The following USH2A variants were observed in gnomAD, a reference collection of about 807,000 sequenced individuals.
USH2A encodes the protein Usher syndrome 2A (autosomal recessive, mild).
In USH2A, 443 loss-of-function variants were observed where a neutral mutation model predicts 538.9. That is an observed-to-expected ratio of 0.82 (90% confidence interval 0.76 to 0.89). The LOEUF is 0.89. USH2A is among the 40% of genes least tolerant of loss of function. The probability of loss-of-function intolerance (pLI) is 0.00; values close to 1 mark genes in which losing one functional copy is unlikely to be tolerated. For missense variants in USH2A, 6,633 were observed against 6,324.8 expected, an observed-to-expected ratio of 1.05 and a Z score of -1.65; for synonymous variants, 2,413 against 2,273.5, an observed-to-expected ratio of 1.06 and a Z score of -1.75.
At chr1:215,980,986 A>G (rs570767120) in intron 35 of USH2A, among the ~76,000 whole-genome samples, 1 of 152,286 alleles carries the variant, frequency 6.6e-6, no homozygotes, top group South Asian at 2.1e-4. Context: ...TTGTTGATAT[A>G]TGTTCAATTT....
At chr1:216,072,159 T>G (rs2031577884) in intron 29 of USH2A, among the ~76,000 whole-genome samples, 1 of 152,188 alleles carries the variant, frequency 6.6e-6, no homozygotes, top group Admixed American at 6.5e-5. Context: ...GGAGATGTGT[T>G]CAGTTTCCTG....
intron 51 of USH2A, among the ~76,000 whole-genome samples, chr1:215,787,695 T>G (rs1661841184): frequency 6.6e-6 from 1 of 152,168 alleles, no homozygotes; most frequent in South Asian, 2.1e-4. Flanking sequence ...GCCTCTCTCT[T>G]ACATAAAATA....
At chr1:216,234,042 C>T (rs955660694) in intron 13 of USH2A, among the ~76,000 whole-genome samples, 1 of 152,038 alleles carries the variant, frequency 6.6e-6, no homozygotes, top group African/African-American at 2.4e-5. Context: ...TGTCATGACA[C>T]TAATTTAAAG....
intron 60 of USH2A, among the ~76,000 whole-genome samples, chr1:215,729,934 T>C (rs1224910720): frequency 6.6e-6 from 1 of 152,150 alleles, no homozygotes; most frequent in Admixed American, 6.5e-5. Flanking sequence ...GCTTTAGAGA[T>C]TTTTAAAGGA....
chr1:216,050,461 T>G (rs1413999083), intron 30 of USH2A, among the ~76,000 whole-genome samples: 3 of 151,976 alleles, frequency 2.0e-5, no homozygotes, highest in African/African-American at 7.2e-5. Flanking sequence ...CATGGAGTAT[T>G]GCCAGTCAAG....
intron 62 of USH2A, 47 bp from the exon 63 acceptor site, chr1:215,675,663 CT>C: frequency 6.2e-7 from 1 of 1,613,570 alleles, no homozygotes; most frequent in South Asian, 1.1e-5. Flanking sequence ...CATACAATTT[CT>C]TTGTGTAGTT....
chr1:216,007,571 T>C (rs1452114357), intron 32 of USH2A, among the ~76,000 whole-genome samples: 1 of 152,124 alleles, frequency 6.6e-6, no homozygotes, highest in Non-Finnish European at 1.5e-5. Context: ...GAGTCCCAGG[T>C]CGGGGGCAAG....
At chr1:216,353,472 C>G (rs1339764838) in intron 4 of USH2A, among the ~76,000 whole-genome samples, 1 of 151,838 alleles carries the variant, frequency 6.6e-6, no homozygotes, top group African/African-American at 2.4e-5. Flanking sequence ...ACCAAAGAAA[C>G]AGATATAAAA....
chr1:216,062,830 C>T (rs1392825542), intron 30 of USH2A, among the ~76,000 whole-genome samples: 1 of 151,998 alleles, frequency 6.6e-6, no homozygotes, highest in African/African-American at 2.4e-5. Flanking sequence ...TGATCATAAA[C>T]ACAATGGCAA....
At chr1:216,300,071 G>A (rs1279044264) in intron 9 of USH2A, among the ~76,000 whole-genome samples, 1 of 152,030 alleles carries the variant, frequency 6.6e-6, no homozygotes, top group Non-Finnish European at 1.5e-5. Context: ...TCCCATAATT[G>A]GTTCTTAACA....
intron 15 of USH2A, among the ~76,000 whole-genome samples, chr1:216,208,020 T>TG (rs1198650003): frequency 1.9e-4 from 29 of 152,276 alleles, no homozygotes; most frequent in African/African-American, 6.7e-4. Context: ...GAGGTGTTTT[T>TG]AAGATGTAAT....
chr1:216,193,823 T>C (rs1393714916), intron 19 of USH2A, among the ~76,000 whole-genome samples: 3 of 152,052 alleles, frequency 2.0e-5, no homozygotes, highest in African/African-American at 4.8e-5. Context: ...TAAATTTCCG[T>C]TGTTTTAAGA....
intron 11 of USH2A, among the ~76,000 whole-genome samples, chr1:216,268,766 C>T (rs897877992): frequency 5.9e-5 from 9 of 152,052 alleles, no homozygotes; most frequent in African/African-American, 7.2e-5. Flanking sequence ...TAGGTCTCTT[C>T]TTCCAGATTT....
At chr1:216,054,929 A>C (rs933658016) in intron 30 of USH2A, among the ~76,000 whole-genome samples, 2 of 152,190 alleles carry the variant, frequency 1.3e-5, no homozygotes, top group Admixed American at 6.5e-5. Context: ...TGAAATCTGC[A>C]TGCAGCAACT....
Position 216,207,369 on chromosome 1 carries a change from A to G in USH2A, c.3220T>C (p.Trp1074Arg), listed in dbSNP as rs1344390541. ...GCATTTGGAGAATCAGGTGGACTCC[A>G]GGAGAGATTGATAGCAGAAGAACTT... ...VQSSSAINLS[W>R]SPPDSPNAHW... Residue 1074 changes from tryptophan to arginine, a missense_variant, in exon 16 of 72, where the codon TGG (tryptophan) becomes CGG (arginine). Physicochemically the swap from Trp to Arg is moderately radical, Grantham distance 101. Transcript: ENST00000307340. 1 of 1,614,088 alleles carries G rather than the reference A, an allele frequency of 6.2e-7. No individual in the cohort carries two copies. Among genetic ancestry groups the G allele is most frequent in the African/African-American group, 1.3e-5 (1 of 75,066 alleles).
chr1:215,824,962 G>T (rs1209044744), intron 47 of USH2A, among the ~76,000 whole-genome samples: 1 of 152,064 alleles, frequency 6.6e-6, no homozygotes, highest in Non-Finnish European at 1.5e-5. Flanking sequence ...TGAGTTCTGG[G>T]ATATTGCTGT....
chr1:216,349,549 G>A (rs2038238328), intron 4 of USH2A, among the ~76,000 whole-genome samples: 1 of 152,046 alleles, frequency 6.6e-6, no homozygotes, highest in Non-Finnish European at 1.5e-5. Flanking sequence ...AACCAATACG[G>A]CAATAAGAGT....
intron 49 of USH2A, among the ~76,000 whole-genome samples, chr1:215,812,800 A>C (rs138183031): frequency 3.9e-5 from 6 of 152,340 alleles, no homozygotes; most frequent in African/African-American, 1.4e-4. Flanking sequence ...AGAAGTTTAG[A>C]AGTCTTAAAT....
chr1:216,207,559 A>G, intron 15 of USH2A, 128 bp from the exon 16 acceptor site: 1 of 1,164,402 alleles, frequency 8.6e-7, no homozygotes, highest in South Asian at 1.3e-5. Flanking sequence ...CATGTGGTTT[A>G]CCAAGACATT....
Sources: gnomAD v4.1 joint callset for allele counts (sites outside exome capture counted in the v4.1 genomes callset) on GRCh38, gnomAD v4.1.1 for gene constraint, MANE v1.5 for transcripts, NCBI Gene and HGNC (gene_info 2026-07-23, HGNC 2026-07-21) for gene names.